Variants in LRRFIP2 observed in about 807,000 individuals in gnomAD.
LRRFIP2 encodes leucine-rich repeat flightless-interacting protein 2.
A neutral mutation model predicts 125.9 loss-of-function variants in LRRFIP2; 109 were observed. That is an observed-to-expected ratio of 0.87 (90% CI 0.74 to 1.01). The LOEUF is 1.01. Among genes scored for constraint, LRRFIP2 ranks in the 50% least tolerant of loss-of-function variants. The probability of loss-of-function intolerance (pLI) is 0.00; values close to 1 mark genes in which losing one functional copy is unlikely to be tolerated. For missense variants in LRRFIP2, 850 were observed against 862.3 expected (o/e 0.99, Z 0.18); for synonymous variants, 291 against 293.1 (o/e 0.99, Z 0.07).
chr3:37,084,479 T>C (rs2092893215), intron 18 of LRRFIP2, among the ~76,000 whole-genome samples: 1 of 151,642 alleles, frequency 6.6e-6, no homozygotes, highest in Non-Finnish European at 1.5e-5. Context: ...CTGGGCAACA[T>C]GACAAAAACC....
chr3:37,147,418 T>C (rs1011356351), intron 2 of LRRFIP2, among the ~76,000 whole-genome samples: 1 of 152,232 alleles, frequency 6.6e-6, no homozygotes, highest in Non-Finnish European at 1.5e-5. Flanking sequence ...GGAGCACTAT[T>C]CACAACAGCA....
At chr3:37,175,722 T>G (rs1475959838), upstream of LRRFIP2, 1 of 152,280 alleles carries the variant, frequency 6.6e-6, no homozygotes, top group Admixed American at 6.5e-5. Flanking sequence ...AGAACCGTAG[T>G]GTGGCGTCTA....
At chr3:37,054,926 G>A (rs948519546) in intron 26 of LRRFIP2, among the ~76,000 whole-genome samples, 160 bp downstream of exon 26, 1 of 152,142 alleles carries the variant, frequency 6.6e-6, no homozygotes, top group Admixed American at 6.5e-5. Context: ...GAAAACAGAA[G>A]GCTAAAATGT....
Position 37,154,857 on chromosome 3 carries a change from G to A in LRRFIP2, c.-55-5819C>T, listed in dbSNP as rs2096135556. Among the ~76,000 whole-genome samples, 3 of 152,184 alleles carry A rather than the reference G, an allele frequency of 2.0e-5. No individual in the cohort carries two copies. The South Asian group carries it at 6.2e-4, about 31-fold the overall frequency. ...ATACAGGACACTTAGAAAGTTCTGT[G>A]CCTAATCTGGATCCTGATAGATAGT... On this transcript the variant is annotated intron_variant, in intron 1 of 27. Coordinates refer to ENST00000336686, the MANE Select transcript of LRRFIP2 (RefSeq NM_006309.4).
chr3:37,075,079 T>C lies in LRRFIP2; in HGVS notation c.1316A>G (p.Gln439Arg), dbSNP rs985075791. 2.5e-6 allele frequency: 4 copies of C among 1,612,780 alleles called. No individual in the cohort carries two copies. Among genetic ancestry groups the C allele is most frequent in the Non-Finnish European group, 2.5e-6 (3 of 1,179,786 alleles). The change falls in exon 20 of 28, where the codon CAG becomes CGG. Residue 439 changes from glutamine to arginine, a missense_variant. By Grantham distance (43) the Gln-to-Arg change is conservative. Coordinates refer to ENST00000336686, the MANE Select transcript of LRRFIP2 (RefSeq NM_006309.4). ...TTCTTTAAGTTCTTCCATCTTATGC[T>C]GCAGCACACTACACATATGTTTCTG... ...ERQKHMCSVL[Q>R]HKMEELKEGL...
chr3:37,116,415 G>A (rs537197244), intron 6 of LRRFIP2, among the ~76,000 whole-genome samples: 3 of 152,190 alleles, frequency 2.0e-5, no homozygotes, highest in Non-Finnish European at 2.9e-5. Flanking sequence ...GGGATTACAG[G>A]CAGAGGCCAC....
intron 1 of LRRFIP2, chr3:37,172,985 G>A (rs2096606209): frequency 6.6e-6 from 1 of 152,186 alleles, no homozygotes; most frequent in Non-Finnish European, 1.5e-5. Flanking sequence ...GAGGTCAGGA[G>A]ATCGAAGCCA....
chr3:37,132,129 T>C (rs1350397183), intron 2 of LRRFIP2, among the ~76,000 whole-genome samples: 1 of 152,150 alleles, frequency 6.6e-6, no homozygotes, highest in African/African-American at 2.4e-5. Context: ...ACTAGTTTCT[T>C]ATTAGAGTTT....
chr3:37,147,860 G>A (rs1035960926), intron 2 of LRRFIP2, among the ~76,000 whole-genome samples: 12 of 152,124 alleles, frequency 7.9e-5, no homozygotes, highest in Admixed American at 2.6e-4. Flanking sequence ...TCCAATATAC[G>A]GCAGGAAATG....
chr3:37,145,568 T>C (rs1253990957), intron 2 of LRRFIP2, among the ~76,000 whole-genome samples: 1 of 152,200 alleles, frequency 6.6e-6, no homozygotes, highest in Non-Finnish European at 1.5e-5. Flanking sequence ...AATGGGTGAA[T>C]GTTAGCCTTG....
At chr3:37,095,088 C>T (rs1344575466) in intron 16 of LRRFIP2, among the ~76,000 whole-genome samples, 180 bp from the exon 17 acceptor site, 1 of 152,082 alleles carries the variant, frequency 6.6e-6, no homozygotes, top group African/African-American at 2.4e-5. Context: ...CAGAGAAGGG[C>T]CCAAGCATAC....
intron 25 of LRRFIP2, 82 bp downstream of exon 25, chr3:37,058,708 G>C (rs1161930609): frequency 1.5e-6 from 2 of 1,306,198 alleles, no homozygotes; most frequent in African/African-American, 3.1e-5. Flanking sequence ...TGTATTACAA[G>C]ATACCAGCAA....
At chr3:37,110,723 T>G (rs1194399840) in intron 9 of LRRFIP2, among the ~76,000 whole-genome samples, 2 of 152,214 alleles carry the variant, frequency 1.3e-5, no homozygotes, top group Non-Finnish European at 2.9e-5. Context: ...GTATGTGATG[T>G]TCACTGTATT....
Position 37,066,297 on chromosome 3 carries a change from G to A in LRRFIP2, c.1493C>T (p.Ala498Val), listed in dbSNP as rs2090131534. 2.5e-6 allele frequency: 4 copies of A among 1,614,124 alleles called. No individual in the cohort carries two copies. The highest frequency in any genetic ancestry group is 2.7e-5 in the African/African-American group (2 of 75,040). Reference sequence around the variant, plus strand: ...CATATCTCGCTCATTCCTAAGGCAGGCAATGTATTCTTTCTGTTTCTCTAG... The same window carrying A: ...CATATCTCGCTCATTCCTAAGGCAGACAATGTATTCTTTCTGTTTCTCTAG... ...GALEKQKEYI[A>V]CLRNERDMLR... Residue 498 changes from alanine (A) to valine (V), a missense_variant, in exon 22 of 28, where the codon GCC (alanine) becomes GTC (valine). Physicochemically the swap from Ala to Val is moderately conservative, Grantham distance 64. Transcript: ENST00000336686.
At chr3:37,135,366 G>A (rs566429744) in intron 2 of LRRFIP2, among the ~76,000 whole-genome samples, 2 of 151,940 alleles carry the variant, frequency 1.3e-5, no homozygotes, top group East Asian at 1.9e-4. Flanking sequence ...GCCTGAGGCA[G>A]GGGAATCGCT....
chr3:37,054,367 C>CT, intron 27 of LRRFIP2, 44 bp downstream of exon 27: 1 of 1,468,988 alleles, frequency 6.8e-7, no homozygotes. Flanking sequence ...AAGATTTTTT[C>CT]TTTTTAGGAA....
chr3:37,108,133 T>C lies in LRRFIP2; in HGVS notation c.658-4A>G, dbSNP rs780931012. On this transcript the variant is annotated splice_region_variant and splice_polypyrimidine_tract_variant and intron_variant, in intron 12 of 27. Transcript: ENST00000336686. ...AATAATAACTGCATTCAGATGGCTA[T>C]AAAGTTTCCAAGAAGAAAGGTTTTA... is the stretch of plus-strand genomic sequence containing the variant. 7.9e-5 allele frequency: 128 copies of C among 1,612,396 alleles called. No individual in the cohort carries two copies. The highest frequency in any genetic ancestry group is 1.1e-4 in the Non-Finnish European group (126 of 1,178,604).
At chr3:37,068,898 G>C (rs1193023814) in intron 21 of LRRFIP2, 1 of 152,190 alleles carries the variant, frequency 6.6e-6, no homozygotes, top group Non-Finnish European at 1.5e-5. Context: ...CTGGTGTTTA[G>C]AACCGCAGTG....
chr3:37,174,793 A>G (rs750542177), upstream of LRRFIP2: 6 of 152,264 alleles, frequency 3.9e-5, no homozygotes, highest in Admixed American at 3.9e-4. Context: ...ATGAGTAAAG[A>G]ATGCCATCTC....
Sources: gnomAD v4.1 joint callset for allele counts (sites outside exome capture counted in the v4.1 genomes callset) on GRCh38, gnomAD v4.1.1 for gene constraint, MANE v1.5 for transcripts, NCBI Gene and HGNC (gene_info 2026-07-23, HGNC 2026-07-21) for gene names.